EPB41L5: variants seen among roughly 807,000 people sequenced by gnomAD.
The protein encoded by EPB41L5 is band 4.1-like protein 5.
Under a neutral mutation model 106.6 loss-of-function variants are expected in EPB41L5, and 55 were observed. That is an observed-to-expected ratio of 0.52 (90% CI 0.42 to 0.65). The LOEUF (loss-of-function observed/expected upper bound fraction) is 0.65, where lower values mean the gene tolerates loss of function less well. EPB41L5 is among the 30% of genes least tolerant of loss of function. The pLI, the probability that EPB41L5 is intolerant of heterozygous loss-of-function variation, is 0.00. For missense variants in EPB41L5, 871 were observed against 882.1 expected (o/e 0.99, Z 0.16); for synonymous variants, 297 against 306.7 (o/e 0.97, Z 0.33).
chr2:120,040,473 G>A (rs570132107), intron 2 of EPB41L5, among the ~76,000 whole-genome samples: 2 of 152,156 alleles, frequency 1.3e-5, no homozygotes, highest in Non-Finnish European at 1.5e-5. Flanking sequence ...ACTGTCATTC[G>A]AGTGAGGGCA....
At position 120,078,488 on chromosome 2, in the gene EPB41L5, A is replaced by G. The variant is rs1682408843; in HGVS notation, c.715-5A>G. On this transcript the variant is annotated splice_region_variant and splice_polypyrimidine_tract_variant and intron_variant, in intron 9 of 24. Coordinates refer to ENST00000263713, the MANE Select transcript of EPB41L5 (RefSeq NM_020909.4). ...AGCTAACACATTTTTCTCCCCTTAA[A>G]TTAGGCTAGAGATGGGAATGACTAT... 1 of 1,588,850 alleles carries G rather than the reference A, an allele frequency of 6.3e-7. No homozygotes were observed. Among genetic ancestry groups the G allele is most frequent in the East Asian group, 2.3e-5 (1 of 44,180 alleles).
intron 14 of EPB41L5, among the ~76,000 whole-genome samples, chr2:120,096,277 A>T (rs2105381878): frequency 6.6e-6 from 1 of 152,184 alleles, no homozygotes; most frequent in South Asian, 2.1e-4. Flanking sequence ...GATTGACTAT[A>T]ATAGCACTCC....
At chr2:120,038,115 G>A (rs1679157938) in intron 2 of EPB41L5, among the ~76,000 whole-genome samples, 1 of 152,164 alleles carries the variant, frequency 6.6e-6, no homozygotes, top group South Asian at 2.1e-4. Flanking sequence ...GAAAATGTTT[G>A]CGAACCAGAT....
At chr2:120,061,094 G>A (rs1286933240) in intron 3 of EPB41L5, among the ~76,000 whole-genome samples, 1 of 139,310 alleles carries the variant, frequency 7.2e-6, no homozygotes, top group Non-Finnish European at 1.5e-5. Flanking sequence ...AGGCTGGAGT[G>A]CAGTGGTGTG....
intron 18 of EPB41L5, among the ~76,000 whole-genome samples, chr2:120,134,231 G>A (rs926355005): frequency 6.6e-6 from 1 of 151,874 alleles, no homozygotes; most frequent in African/African-American, 2.4e-5. Context: ...AGAATAAAAA[G>A]AACTTTGTCT....
At chr2:120,073,984 G>A in intron 4 of EPB41L5, 116 bp from the exon 5 acceptor site, 1 of 710,804 alleles carries the variant, frequency 1.4e-6, no homozygotes, top group Admixed American at 2.9e-5. Context: ...CTGCAATAAT[G>A]CCATAAAAAC....
intron 1 of EPB41L5, among the ~76,000 whole-genome samples, chr2:120,016,867 C>T (rs370377575): frequency 6.6e-6 from 1 of 151,608 alleles, no homozygotes; most frequent in Non-Finnish European, 1.5e-5. Context: ...GGGAGAAATA[C>T]CTGGAAAAAA....
intron 4 of EPB41L5, 121 bp from the exon 5 acceptor site, chr2:120,073,979 A>G: frequency 2.9e-6 from 2 of 693,078 alleles, no homozygotes; most frequent in Non-Finnish European, 2.4e-6. Flanking sequence ...CTAACCTGCA[A>G]TAATGCCATA....
intron 14 of EPB41L5, among the ~76,000 whole-genome samples, chr2:120,099,077 C>T (rs540423418): frequency 2.0e-5 from 3 of 152,318 alleles, no homozygotes; most frequent in African/African-American, 4.8e-5. Context: ...AATAGGGGAT[C>T]GATTGCATTT....
At chr2:120,145,329 G>A (rs1005788780) in intron 19 of EPB41L5, among the ~76,000 whole-genome samples, 39 of 152,294 alleles carry the variant, frequency 2.6e-4, no homozygotes, top group Middle Eastern at 3.4e-3. Flanking sequence ...TGATTGTGAT[G>A]TATCTATACA....
chr2:120,160,111 T>TG (rs1320426064), intron 20 of EPB41L5, among the ~76,000 whole-genome samples: 1 of 152,184 alleles, frequency 6.6e-6, no homozygotes, highest in Non-Finnish European at 1.5e-5. Context: ...AAATAACTAA[T>TG]GGGTACTAGG....
At chr2:120,081,468 A>G (rs1221617508) in intron 10 of EPB41L5, among the ~76,000 whole-genome samples, 6 of 152,202 alleles carry the variant, frequency 3.9e-5, no homozygotes, top group East Asian at 1.9e-4. Flanking sequence ...ATTGGTCTAT[A>G]TCTCTGTTTT....
intron 16 of EPB41L5, among the ~76,000 whole-genome samples, chr2:120,122,800 A>G (rs1261012572): frequency 1.3e-5 from 2 of 152,166 alleles, no homozygotes; most frequent in Non-Finnish European, 2.9e-5. Flanking sequence ...GATTCTTCCT[A>G]TCCATGAGCA....
intron 3 of EPB41L5, among the ~76,000 whole-genome samples, chr2:120,048,840 G>A: frequency 6.6e-6 from 1 of 152,044 alleles, no homozygotes; most frequent in Middle Eastern, 3.4e-3. Context: ...GCTTTAAATG[G>A]GTCCCAGAGA....
At position 120,024,738 on chromosome 2, in the gene EPB41L5, C is replaced by T. The variant is rs59549916; in HGVS notation, c.180+5474C>T. Among the ~76,000 whole-genome samples the T allele has an allele frequency of 5.2e-3, 799 of 152,232 alleles. 4 individuals carry two copies. Among genetic ancestry groups the T allele is most frequent in the African/African-American group, 0.018 (767 of 41,552 alleles). On this transcript the variant is annotated intron_variant, in intron 2 of 24. Coordinates refer to ENST00000263713, the MANE Select transcript of EPB41L5 (RefSeq NM_020909.4). ...CCTCCCAAAGTGCTGGAATTACAGG[C>T]GTGAGCCACCACGCCCGGCCAATCC...
chr2:120,101,451 T>C (rs1303137890), intron 16 of EPB41L5: 1 of 152,238 alleles, frequency 6.6e-6, no homozygotes, highest in Non-Finnish European at 1.5e-5. Context: ...AATAAATATA[T>C]GTGGCTTGGT....
In EPB41L5 at chr2:120,076,879, A is replaced by T. The variant is rs1574605758; in HGVS notation, c.506-92A>T. The T allele has an allele frequency of 5.9e-6, 7 of 1,196,146 alleles. No individual in the cohort carries two copies. The East Asian group carries it at 1.7e-4, about 30-fold the overall frequency. 74.1% of individuals were successfully genotyped at this position (1,196,146 alleles called of 1,614,324 possible). Reference sequence around the variant, plus strand: ...TGAATTTTTGTAAGAAATTCCTAAGAATCTTTCTAATCTTAGCAGTTTTCA... The same window carrying T: ...TGAATTTTTGTAAGAAATTCCTAAGTATCTTTCTAATCTTAGCAGTTTTCA... On this transcript the variant is annotated intron_variant, in intron 7 of 24. Coordinates refer to ENST00000263713, the MANE Select transcript of EPB41L5 (RefSeq NM_020909.4).
chr2:120,015,940 CAACTG>C (rs969696287), intron 1 of EPB41L5, among the ~76,000 whole-genome samples: 2 of 144,446 alleles, frequency 1.4e-5, no homozygotes, highest in African/African-American at 5.1e-5. Flanking sequence ...AAAAATAAAA[CAACTG>C]TATTGTATGC....
At chr2:120,070,760 A>G (rs1681807241) in intron 3 of EPB41L5, among the ~76,000 whole-genome samples, 3 of 152,238 alleles carry the variant, frequency 2.0e-5, no homozygotes, top group Admixed American at 1.3e-4. Flanking sequence ...CAATAGATGC[A>G]GAAAAGGCCT....
Sources: gnomAD v4.1 joint callset for allele counts (sites outside exome capture counted in the v4.1 genomes callset) on GRCh38, gnomAD v4.1.1 for gene constraint, MANE v1.5 for transcripts, NCBI Gene and HGNC (gene_info 2026-07-23, HGNC 2026-07-21) for gene names.